SLC39A11: variants seen among roughly 807,000 people sequenced by gnomAD.
The protein encoded by SLC39A11 is solute carrier family 39 member 11.
In SLC39A11, 33 loss-of-function variants were observed where a neutral mutation model predicts 36.1. The observed-to-expected ratio is 0.91, with a 90% CI of 0.69 to 1.22. The LOEUF (loss-of-function observed/expected upper bound fraction) is 1.22. SLC39A11 is among the 50% of genes most tolerant of loss of function. SLC39A11 has a pLI of 0.00. For missense variants in SLC39A11, 432 were observed against 430.3 expected, an observed-to-expected ratio of 1.00 and a Z score of -0.03; for synonymous variants, 166 against 170.3, an observed-to-expected ratio of 0.97 and a Z score of 0.20.
At chr17:73,000,650 A>C (rs1404940010) in intron 4 of SLC39A11, among the ~76,000 whole-genome samples, 1 of 152,166 alleles carries the variant, frequency 6.6e-6, no homozygotes, top group Non-Finnish European at 1.5e-5. Context: ...AGCCAGGGTC[A>C]GTCTCTGTTG....
At position 72,949,840 on chromosome 17, in the gene SLC39A11, A is replaced by G. The variant is rs150716735; in HGVS notation, c.307-1965T>C. 7.8e-3 allele frequency among the ~76,000 whole-genome samples: 1,184 copies of G among 152,180 alleles called. 25 individuals carry two copies. The highest frequency in any genetic ancestry group is 0.027 in the African/African-American group (1,108 of 41,518). Reference sequence around the variant, plus strand: ...TCTAATGCGGGAGAGGAGAAGGCTTAAAATCTAATCACATAAATGCATCCA... The same window carrying G: ...TCTAATGCGGGAGAGGAGAAGGCTTGAAATCTAATCACATAAATGCATCCA... On this transcript the variant is annotated intron_variant, in intron 4 of 9. Coordinates refer to ENST00000255559, the MANE Select transcript of SLC39A11 (RefSeq NM_139177.4).
At chr17:73,027,063 A>G (rs2058581681) in intron 4 of SLC39A11, among the ~76,000 whole-genome samples, 1 of 152,202 alleles carries the variant, frequency 6.6e-6, no homozygotes, top group Non-Finnish European at 1.5e-5. Flanking sequence ...TCAAGGCTAC[A>G]GTAAGCCGCG....
rs61453793 is a variant in SLC39A11 at position 72,951,261 on chromosome 17, C to CAAAAAAAAAAAAA, written c.307-3399_307-3387dup. ...TGGGCAACGGAGAGTGACCCTGTTG[C>CAAAAAAAAAAAAA]AAAAAAAAAAAAAAAAAGCCAGCAA... On this transcript the variant is annotated intron_variant, in intron 4 of 9. Coordinates refer to ENST00000255559, the MANE Select transcript of SLC39A11 (RefSeq NM_139177.4). Among the ~76,000 whole-genome samples, 4 of 86,984 alleles carry CAAAAAAAAAAAAA rather than the reference C, an allele frequency of 4.6e-5. No individual in the cohort carries two copies. The East Asian group carries it at 1.0e-3, about 22-fold the overall frequency. The allele number at this position is 86,984 out of a possible 152,430, so 57.1% of individuals were successfully genotyped here. A position where few individuals can be genotyped will look rare whatever the true frequency, so the allele number is the denominator to read the frequency against.
chr17:72,676,743 GCT>G (rs1383172110), intron 7 of SLC39A11, among the ~76,000 whole-genome samples: 23 of 152,242 alleles, frequency 1.5e-4, no homozygotes, highest in African/African-American at 3.9e-4. Flanking sequence ...TCAAATGCTC[GCT>G]TCACTTATGG....
At chr17:72,868,813 CA>C (rs902119027) in intron 5 of SLC39A11, among the ~76,000 whole-genome samples, 24 of 146,958 alleles carry the variant, frequency 1.6e-4, no homozygotes, top group African/African-American at 4.2e-4. Context: ...GTCTCAAAAA[CA>C]AAAAAAAAAT....
intron 6 of SLC39A11, among the ~76,000 whole-genome samples, chr17:72,837,330 T>A (rs1208513268): frequency 6.5e-5 from 7 of 107,400 alleles, no homozygotes; most frequent in East Asian, 3.1e-4. Context: ...CTAGATTTTT[T>A]AAAAATGTAC....
chr17:72,877,054 T>G (rs908856067), intron 5 of SLC39A11, among the ~76,000 whole-genome samples: 37 of 152,198 alleles, frequency 2.4e-4, no homozygotes, highest in African/African-American at 7.7e-4. Context: ...TAGGTTAGTG[T>G]CCCACCTGGG....
intron 4 of SLC39A11, among the ~76,000 whole-genome samples, chr17:72,997,752 C>T (rs2089602114): frequency 6.6e-6 from 1 of 152,192 alleles, no homozygotes. Flanking sequence ...TCCAGAGTAC[C>T]CGCATTGTCT....
intron 4 of SLC39A11, among the ~76,000 whole-genome samples, chr17:73,004,367 C>T (rs1297012053): frequency 6.6e-6 from 1 of 152,164 alleles, no homozygotes; most frequent in African/African-American, 2.4e-5. Flanking sequence ...CCTTGCTCCT[C>T]GGCTCCCAGA....
chr17:72,885,927 G>A (rs890510979), intron 5 of SLC39A11, among the ~76,000 whole-genome samples: 1 of 152,132 alleles, frequency 6.6e-6, no homozygotes, highest in Non-Finnish European at 1.5e-5. Context: ...GCTTTTGTCG[G>A]GGTCACCACT....
intron 6 of SLC39A11, among the ~76,000 whole-genome samples, chr17:72,794,562 C>T (rs532573437): frequency 2.0e-5 from 3 of 151,828 alleles, no homozygotes; most frequent in African/African-American, 7.3e-5. Context: ...TGTGTCCAAG[C>T]CACTCCCTGC....
intron 3 of SLC39A11, among the ~76,000 whole-genome samples, chr17:73,048,470 C>G (rs2059393407): frequency 6.6e-6 from 1 of 152,184 alleles, no homozygotes; most frequent in Non-Finnish European, 1.5e-5. Flanking sequence ...CATGTCTTTG[C>G]TGTTGTGAAT....
rs1555657685 is a variant in SLC39A11 at position 72,971,336 on chromosome 17, A to ACACT, written c.307-23462_307-23461insAGTG. 6.7e-3 allele frequency among the ~76,000 whole-genome samples: 960 copies of ACACT among 143,470 alleles called. 13 individuals carry two copies. Among genetic ancestry groups the ACACT allele is most frequent in the African/African-American group, 0.023 (907 of 39,046 alleles). 94.1% of individuals were successfully genotyped at this position (143,470 alleles called of 152,430 possible). On this transcript the variant is annotated intron_variant, in intron 4 of 9. Coordinates refer to ENST00000255559, the MANE Select transcript of SLC39A11 (RefSeq NM_139177.4). ...CACACATACACACACACACACACAC[A>ACACT]CTCTCTCTCTCTCTCTCTCTCTGAA...
intron 6 of SLC39A11, among the ~76,000 whole-genome samples, chr17:72,747,835 GC>G (rs1175614248): frequency 2.0e-5 from 3 of 152,188 alleles, no homozygotes; most frequent in African/African-American, 7.2e-5. Context: ...AGGTATTATT[GC>G]CAAGGAATCC....
At chr17:72,767,846 AC>A (rs2144650214) in intron 6 of SLC39A11, among the ~76,000 whole-genome samples, 1 of 152,092 alleles carries the variant, frequency 6.6e-6, no homozygotes, top group East Asian at 1.9e-4. Context: ...ACAAAGAAAG[AC>A]CAAAGCATTG....
At chr17:72,788,618 C>G (rs2076596493) in intron 6 of SLC39A11, among the ~76,000 whole-genome samples, 1 of 152,248 alleles carries the variant, frequency 6.6e-6, no homozygotes, top group African/African-American at 2.4e-5. Flanking sequence ...GAATAATACA[C>G]ACATAATTTT....
At chr17:72,859,630 T>C (rs1258136122) in intron 5 of SLC39A11, among the ~76,000 whole-genome samples, 4 of 150,950 alleles carry the variant, frequency 2.6e-5, no homozygotes, top group African/African-American at 9.7e-5. Flanking sequence ...AGCCACATAT[T>C]CATCTCCATG....
intron 3 of SLC39A11, among the ~76,000 whole-genome samples, chr17:73,060,210 C>CAAAA (rs33931672): frequency 1.5e-3 from 108 of 70,080 alleles, no homozygotes; most frequent in African/African-American, 2.0e-3. Flanking sequence ...AACTCCATCT[C>CAAAA]AAAAAAAAAA....
At chr17:73,011,981 T>C (rs1018235670) in intron 4 of SLC39A11, among the ~76,000 whole-genome samples, 3 of 150,046 alleles carry the variant, frequency 2.0e-5, no homozygotes, top group African/African-American at 7.3e-5. Flanking sequence ...CATTTTTAAA[T>C]GACTGAAAGA....
Sources: allele counts gnomAD v4.1 joint callset (sites outside exome capture counted in the v4.1 genomes callset), GRCh38; gene constraint gnomAD v4.1.1; transcripts MANE v1.5; gene names NCBI Gene and HGNC (gene_info 2026-07-23, HGNC 2026-07-21).